DNAJC10: variants seen among roughly 807,000 people sequenced by gnomAD.
DNAJC10 encodes endoplasmic reticulum disulfide reductase DNAJC10.
DNAJC10 carries 101 observed loss-of-function variants against 115.0 expected under a neutral mutation model. The observed-to-expected ratio is 0.88, with a 90% CI of 0.75 to 1.04. The LOEUF (loss-of-function observed/expected upper bound fraction) is 1.04. DNAJC10 is among the 50% of genes least tolerant of loss of function. The pLI is 0.00. For synonymous variants in DNAJC10, 307 were observed against 301.5 expected (o/e 1.02, Z -0.19); for missense variants, 981 against 928.8 (o/e 1.06, Z -0.73).
chr2:182,762,159 GA>G (rs34152329), intron 21 of DNAJC10, among the ~76,000 whole-genome samples: 42 of 65,172 alleles, frequency 6.4e-4, no homozygotes, highest in Middle Eastern at 9.1e-3. Context: ...TGCTGCTCAG[GA>G]AAAAAAAAAA....
chr2:182,725,253 C>T (rs534343850), intron 5 of DNAJC10, among the ~76,000 whole-genome samples: 101 of 152,222 alleles, frequency 6.6e-4, no homozygotes, highest in Admixed American at 1.2e-3. Flanking sequence ...CCTCCCTACT[C>T]CCTGAGATAC....
Position 182,794,232 on chromosome 2 carries a change from G to A in DNAJC10, c.*17100G>A, listed in dbSNP as rs550947941. On this transcript the variant is annotated 3_prime_UTR_variant, in exon 24 of 24. Transcript: ENST00000264065. ...AAAGAAGTCTCTGAGGAGAAAGAAT[G>A]AGGCAATAAGTCAGATGCGTATTTG... is the stretch of plus-strand genomic sequence containing the variant. 1 of 152,144 alleles carries A rather than the reference G, an allele frequency of 6.6e-6. No homozygotes were observed. The highest frequency in any genetic ancestry group is 2.1e-4 in the South Asian group (1 of 4,824). The allele number at this position is 152,144 out of a possible 1,614,324, so 9.4% of individuals were successfully genotyped here. A position where few individuals can be genotyped will look rare whatever the true frequency, so the allele number is the denominator to read the frequency against.
Position 182,777,739 on chromosome 2 carries a change from T to C in DNAJC10, c.*607T>C, listed in dbSNP as rs1365901871. ...GTGGCACAGTAAACAAACCCTGTTA[T>C]GCTGTATTATTATGAGGAGATTCTT... On this transcript the variant is annotated 3_prime_UTR_variant, in exon 24 of 24. Coordinates refer to ENST00000264065, the MANE Select transcript of DNAJC10 (RefSeq NM_018981.4). The C allele has an allele frequency of 8.5e-5, 13 of 152,234 alleles. No homozygotes were observed. Among genetic ancestry groups the C allele is most frequent in the Admixed American group, 7.2e-4 (11 of 15,272 alleles). 9.4% of individuals were successfully genotyped at this position (152,234 alleles called of 1,614,324 possible). A position where few individuals can be genotyped will look rare whatever the true frequency, so the allele number is the denominator to read the frequency against.
At chr2:182,746,845 A>G (rs911687413) in intron 14 of DNAJC10, among the ~76,000 whole-genome samples, 32 of 152,030 alleles carry the variant, frequency 2.1e-4, no homozygotes, top group Middle Eastern at 3.4e-3. Context: ...GTTTTCTTCT[A>G]GGGTTTTTAT....
At position 182,721,760 on chromosome 2, in the gene DNAJC10, G is replaced by A. The variant is rs552739510; in HGVS notation, c.368-265G>A. On this transcript the variant is annotated intron_variant, in intron 4 of 23. Coordinates refer to ENST00000264065, the MANE Select transcript of DNAJC10 (RefSeq NM_018981.4). The stretch of plus-strand genomic sequence containing the variant: ...TAAAACCATAATATAAATTTTATAT[G>A]GAGGTAAAATTATGTGAATATTACG... Among the ~76,000 whole-genome samples, 15 of 152,112 alleles carry A rather than the reference G, an allele frequency of 9.9e-5. No individual in the cohort carries two copies. In the South Asian group the frequency reaches 3.1e-3, roughly 32 times the overall value.
rs1329194275 is a variant in DNAJC10, at chr2:182,779,680, T to TTAAGA, written c.*2552_*2556dup. The TTAAGA allele has an allele frequency of 6.6e-6, 1 of 152,218 alleles. No homozygotes were observed. The highest frequency in any genetic ancestry group is 1.9e-4 in the East Asian group (1 of 5,206). 9.4% of individuals were successfully genotyped at this position (152,218 alleles called of 1,614,324 possible). On this transcript the variant is annotated 3_prime_UTR_variant, in exon 24 of 24. Transcript: ENST00000264065. ...AGCTTTTTTATTTAAAGGTATATGATTAAGATAAAGGAAAAGTAAAATGAA... is the reference window on the plus strand; with the variant it reads ...AGCTTTTTTATTTAAAGGTATATGATTAAGATAAGATAAAGGAAAAGTAAAATGAA...
At chr2:182,748,860 T>C (rs1693942555) in intron 14 of DNAJC10, among the ~76,000 whole-genome samples, 2 of 152,144 alleles carry the variant, frequency 1.3e-5, no homozygotes, top group Non-Finnish European at 2.9e-5. Context: ...GTTGTGTCTT[T>C]GTTCTCGTTG....
At chr2:182,739,162 T>TGA (rs199795022) in intron 11 of DNAJC10, among the ~76,000 whole-genome samples, 3,734 of 108,870 alleles carry the variant, frequency 0.034, 165 homozygotes, top group African/African-American at 0.095. Flanking sequence ...AGAATGTTTA[T>TGA]GATATATATA....
intron 19 of DNAJC10, among the ~76,000 whole-genome samples, chr2:182,758,457 G>C (rs1017849669): frequency 6.6e-6 from 1 of 152,174 alleles, no homozygotes; most frequent in African/African-American, 2.4e-5. Flanking sequence ...ATTATGAAAG[G>C]CTGCATTTTG....
intron 22 of DNAJC10, among the ~76,000 whole-genome samples, chr2:182,773,555 C>G (rs1382651917): frequency 6.6e-6 from 1 of 152,056 alleles, no homozygotes; most frequent in Non-Finnish European, 1.5e-5. Flanking sequence ...CTAACTTTGT[C>G]TTCTCGCTTT....
At position 182,780,970 on chromosome 2, in the gene DNAJC10, G is replaced by A. The variant is rs890077574; in HGVS notation, c.*3838G>A. 6.7e-6 allele frequency: 1 copy of A among 149,442 alleles called. No individual in the cohort carries two copies. Among genetic ancestry groups the A allele is most frequent in the Non-Finnish European group, 1.5e-5 (1 of 67,200 alleles). The allele number at this position is 149,442 out of a possible 1,614,324, so 9.3% of individuals were successfully genotyped here. A position where few individuals can be genotyped will look rare whatever the true frequency, so the allele number is the denominator to read the frequency against. On this transcript the variant is annotated 3_prime_UTR_variant, in exon 24 of 24. Coordinates refer to ENST00000264065, the MANE Select transcript of DNAJC10 (RefSeq NM_018981.4). ...AGACAATCTTCATTAAGCAACTGCTGTTTTTTTTTTTTAATACTTCAAGTT... is the reference window on the plus strand; with the variant it reads ...AGACAATCTTCATTAAGCAACTGCTATTTTTTTTTTTTAATACTTCAAGTT...
chr2:182,721,892 G>A (rs938765361), intron 4 of DNAJC10, 133 bp from the exon 5 acceptor site: 9 of 510,398 alleles, frequency 1.8e-5, no homozygotes, highest in Non-Finnish European at 3.1e-5. Flanking sequence ...TTAGGATGTT[G>A]CATATTCTCT....
At chr2:182,738,301 T>C (rs1472866695) in intron 11 of DNAJC10, among the ~76,000 whole-genome samples, 2 of 152,212 alleles carry the variant, frequency 1.3e-5, no homozygotes, top group East Asian at 3.9e-4. Context: ...TATTGCCAGA[T>C]TGCCCTCCGG....
chr2:182,741,611 T>C (rs566919820), intron 13 of DNAJC10, among the ~76,000 whole-genome samples: 40 of 152,280 alleles, frequency 2.6e-4, no homozygotes, highest in Admixed American at 7.8e-4. Flanking sequence ...ATGCATACTG[T>C]AGGAGGTTAT....
In DNAJC10 at chr2:182,777,299, A is replaced by G. The variant is rs1694731296; in HGVS notation, c.*167A>G. The G allele has an allele frequency of 4.8e-6, 2 of 416,820 alleles. No homozygotes were observed. Among genetic ancestry groups the G allele is most frequent in the Non-Finnish European group, 4.3e-6 (1 of 232,808 alleles). The allele number at this position is 416,820 out of a possible 1,614,324, so 25.8% of individuals were successfully genotyped here. A position where few individuals can be genotyped will look rare whatever the true frequency, so the allele number is the denominator to read the frequency against. On this transcript the variant is annotated 3_prime_UTR_variant, in exon 24 of 24. Transcript: ENST00000264065. ...CACTGGTGTAAAAGAAGGGTCTGCAAACTTTTTCTGTAAAGGGCCGGTTTA... is the reference window on the plus strand; with the variant it reads ...CACTGGTGTAAAAGAAGGGTCTGCAGACTTTTTCTGTAAAGGGCCGGTTTA...
rs375772609 is a variant in DNAJC10 at position 182,728,584 on chromosome 2, G to A, written c.427G>A (p.Val143Ile). Residue 143 changes from valine to isoleucine, a missense_variant, in exon 6 of 24, where the codon GTT becomes ATT. By Grantham distance (29) the Val-to-Ile change is conservative. Transcript: ENST00000264065. ...ATTTTATGTATTTTTAGATGCTGCT[G>A]TTAATTCTGGAGAACTGTGGTTTGT... The part of the protein sequence containing the change: ...TLERREFDAA[V>I]NSGELWFVNF... The A allele has an allele frequency of 8.6e-5, 139 of 1,608,678 alleles. No individual in the cohort carries two copies. The highest frequency in any genetic ancestry group is 1.1e-4 in the Non-Finnish European group (129 of 1,176,464).
At chr2:182,728,506 GTTT>G (rs1459751493) in intron 5 of DNAJC10, 67 bp from the exon 6 acceptor site, 2 of 1,145,044 alleles carry the variant, frequency 1.7e-6, no homozygotes, top group Non-Finnish European at 2.5e-6. Flanking sequence ...TCCACAAAAA[GTTT>G]TTAACTAAAA....
intron 5 of DNAJC10, among the ~76,000 whole-genome samples, chr2:182,722,339 A>G (rs985729381): frequency 6.6e-6 from 1 of 152,224 alleles, no homozygotes; most frequent in East Asian, 1.9e-4. Context: ...TTGGATGCCA[A>G]GTGAGCTTGC....
Position 182,757,799 on chromosome 2 carries a change from A to G in DNAJC10, c.1917A>G (p.Pro639=), listed in dbSNP as rs751838283. ...ACCCTGAGATAAGATTTTTTCCCCC[A>G]AAATCAAATAAAGCTTATCATTATC... ...QRYPEIRFFP[P]KSNKAYHYHS... is the part of the protein sequence containing the mutation. The change falls in exon 19 of 24, where the codon CCA becomes CCG. Residue 639 remains proline, a synonymous_variant. Transcript: ENST00000264065. The G allele has an allele frequency of 4.6e-6, 7 of 1,524,808 alleles. No homozygotes were observed. The highest frequency in any genetic ancestry group is 1.7e-4 in the Middle Eastern group (1 of 5,834). The allele number at this position is 1,524,808 out of a possible 1,614,324, so 94.5% of individuals were successfully genotyped here. A position where few individuals can be genotyped will look rare whatever the true frequency, so the allele number is the denominator to read the frequency against.
Sources: allele counts gnomAD v4.1 joint callset (sites outside exome capture counted in the v4.1 genomes callset), GRCh38; gene constraint gnomAD v4.1.1; transcripts MANE v1.5; gene names NCBI Gene and HGNC (gene_info 2026-07-23, HGNC 2026-07-21).